ENOX1: variants seen among roughly 807,000 people sequenced by gnomAD.
ENOX1 encodes ecto-NOX disulfide-thiol exchanger 1, also known as candidate growth-related and time keeping constitutive hydroquinone (NADH) oxidase.
A neutral mutation model predicts 82.5 loss-of-function variants in ENOX1; 42 were observed. The observed-to-expected ratio is 0.51, with a 90% CI of 0.40 to 0.66. The LOEUF (loss-of-function observed/expected upper bound fraction) is 0.66, where lower values mean the gene tolerates loss of function less well. Ranked by LOEUF, ENOX1 falls within the 30% of genes least tolerant of loss-of-function variation. ENOX1 has a pLI of 0.00. For synonymous variants in ENOX1, 271 were observed against 282.2 expected (o/e 0.96, Z 0.40); for missense variants, 608 against 811.6 (o/e 0.75, Z 3.05).
intron 2 of ENOX1, among the ~76,000 whole-genome samples, chr13:43,570,351 T>C (rs1157299013): frequency 6.6e-6 from 1 of 151,870 alleles, no homozygotes; most frequent in Non-Finnish European, 1.5e-5. Context: ...TAGATGCACA[T>C]AGAAATGAAA....
rs76166014 is a variant in ENOX1, at chr13:43,552,192, G to A, written c.-218-68040C>T. Among the ~76,000 whole-genome samples, 1,390 of 152,094 alleles carry A rather than the reference G, an allele frequency of 9.1e-3. 24 individuals carry two copies. The highest frequency in any genetic ancestry group is 0.032 in the African/African-American group (1,335 of 41,486). The stretch of plus-strand genomic sequence containing the variant: ...CATTGACAGTTTCAACTTCATTGTG[G>A]GAGACATTCTCTGATGTCATGAAAG... On this transcript the variant is annotated intron_variant, in intron 2 of 16. Coordinates refer to ENST00000690772, the MANE Select transcript of ENOX1 (RefSeq NM_001347969.2).
At chr13:43,600,279 A>T (rs2081647947) in intron 2 of ENOX1, among the ~76,000 whole-genome samples, 1 of 152,152 alleles carries the variant, frequency 6.6e-6, no homozygotes, top group South Asian at 2.1e-4. Flanking sequence ...TTTCTGGACC[A>T]GCACTGGCCA....
chr13:43,588,278 T>TA (rs1284495785), intron 2 of ENOX1, among the ~76,000 whole-genome samples: 1 of 152,194 alleles, frequency 6.6e-6, no homozygotes. Flanking sequence ...AATGTATAGA[T>TA]AAGTGCTTTG....
chr13:43,552,208 G>A (rs990369744), intron 2 of ENOX1, among the ~76,000 whole-genome samples: 15 of 152,254 alleles, frequency 9.9e-5, no homozygotes, highest in African/African-American at 3.6e-4. Context: ...ATTCTCTGAT[G>A]TCATGAAAGG....
intron 2 of ENOX1, among the ~76,000 whole-genome samples, chr13:43,488,464 C>CT (rs373309844): frequency 6.6e-6 from 1 of 152,242 alleles, no homozygotes; most frequent in East Asian, 1.9e-4. Flanking sequence ...AATTTCTATT[C>CT]TTTATAAATT....
At chr13:43,428,058 G>A (rs2055428416) in intron 3 of ENOX1, among the ~76,000 whole-genome samples, 2 of 152,102 alleles carry the variant, frequency 1.3e-5, no homozygotes, top group Admixed American at 6.5e-5. Flanking sequence ...TGGCAATCAG[G>A]ACCTGAAGAT....
chr13:43,331,852 C>G (rs960822565), intron 9 of ENOX1, among the ~76,000 whole-genome samples: 1 of 152,172 alleles, frequency 6.6e-6, no homozygotes, highest in East Asian at 1.9e-4. Flanking sequence ...GATTCCCAGA[C>G]AGACTCCTGC....
chr13:43,475,304 A>C (rs2153651214), intron 3 of ENOX1, among the ~76,000 whole-genome samples: 1 of 152,292 alleles, frequency 6.6e-6, no homozygotes, highest in Non-Finnish European at 1.5e-5. Context: ...CAACAGCCTA[A>C]GCAGTGTGGA....
intron 2 of ENOX1, among the ~76,000 whole-genome samples, chr13:43,625,663 T>C (rs1594159436): frequency 6.6e-6 from 1 of 151,996 alleles, no homozygotes; most frequent in Non-Finnish European, 1.5e-5. Flanking sequence ...TTTCAAATAT[T>C]GAACCAGCAT....
chr13:43,402,888 G>A (rs751436577), intron 5 of ENOX1, among the ~76,000 whole-genome samples: 3 of 151,914 alleles, frequency 2.0e-5, no homozygotes, highest in Non-Finnish European at 4.4e-5. Flanking sequence ...TCCACTCTGA[G>A]CAGAGGATGC....
intron 3 of ENOX1, among the ~76,000 whole-genome samples, chr13:43,432,710 T>C (rs1429669827): frequency 6.6e-6 from 1 of 152,168 alleles, no homozygotes; most frequent in Non-Finnish European, 1.5e-5. Flanking sequence ...TAAAGATCTG[T>C]GTACAGTTTC....
intron 11 of ENOX1, among the ~76,000 whole-genome samples, chr13:43,316,618 G>A (rs1437401092): frequency 1.2e-5 from 1 of 82,180 alleles, no homozygotes; most frequent in African/African-American, 3.8e-5. Context: ...TTTAAAAGGT[G>A]AAGCAATTTA....
At chr13:43,736,318 C>T (rs546148536) in intron 1 of ENOX1, among the ~76,000 whole-genome samples, 15 of 152,104 alleles carry the variant, frequency 9.9e-5, no homozygotes, top group Non-Finnish European at 1.5e-4. Context: ...GCTAATCAAC[C>T]GGTTATGTAT....
At chr13:43,395,213 T>A (rs559378118) in intron 5 of ENOX1, among the ~76,000 whole-genome samples, 1 of 152,324 alleles carries the variant, frequency 6.6e-6, no homozygotes, top group Admixed American at 6.5e-5. Flanking sequence ...TCACTAACAT[T>A]TAAATGAAAT....
intron 10 of ENOX1, 40 bp from the exon 11 acceptor site, chr13:43,322,541 C>T (rs1355398797): frequency 6.5e-7 from 1 of 1,535,946 alleles, no homozygotes; most frequent in African/African-American, 1.4e-5. Context: ...GTCACAGACA[C>T]ATATGGCTTT....
At chr13:43,636,308 G>A (rs1199148831) in intron 2 of ENOX1, among the ~76,000 whole-genome samples, 1 of 152,114 alleles carries the variant, frequency 6.6e-6, no homozygotes, top group Non-Finnish European at 1.5e-5. Context: ...TCTTCTTGAA[G>A]GTGAAGTTTT....
chr13:43,562,859 A>AT (rs1360510946), intron 2 of ENOX1, among the ~76,000 whole-genome samples: 1 of 152,224 alleles, frequency 6.6e-6, no homozygotes, highest in East Asian at 1.9e-4. Flanking sequence ...AATTTTAAAT[A>AT]TAACAGTGGA....
At chr13:43,711,696 C>CT (rs1304536602) in intron 1 of ENOX1, among the ~76,000 whole-genome samples, 1 of 151,966 alleles carries the variant, frequency 6.6e-6, no homozygotes, top group Non-Finnish European at 1.5e-5. Context: ...TTTTCATGTG[C>CT]TTTTTGGCTG....
At chr13:43,510,615 A>G (rs529036192) in intron 2 of ENOX1, among the ~76,000 whole-genome samples, 18 of 152,142 alleles carry the variant, frequency 1.2e-4, no homozygotes, top group African/African-American at 4.1e-4. Flanking sequence ...GATTCCTTCT[A>G]CTGGGCCATA....
Sources: gnomAD v4.1 joint callset for allele counts (sites outside exome capture counted in the v4.1 genomes callset) on GRCh38, gnomAD v4.1.1 for gene constraint, MANE v1.5 for transcripts, NCBI Gene and HGNC (gene_info 2026-07-23, HGNC 2026-07-21) for gene names.